The following VPS26A variants were observed in gnomAD, a reference collection of about 807,000 sequenced individuals.
VPS26A encodes vacuolar protein sorting-associated protein 26A.
VPS26A carries 22 observed loss-of-function variants against 42.4 expected under a neutral mutation model. That is an observed-to-expected ratio of 0.52 (90% CI 0.37 to 0.74). VPS26A has a LOEUF of 0.74. VPS26A is among the 30% of genes least tolerant of loss of function. The pLI is 0.00. For missense variants in VPS26A, 276 were observed against 379.2 expected, an observed-to-expected ratio of 0.73 and a Z score of 2.26; for synonymous variants, 110 against 123.5, an observed-to-expected ratio of 0.89 and a Z score of 0.73.
intron 1 of VPS26A, 72 bp from the exon 2 acceptor site, chr10:69,132,826 A>G: frequency 3.6e-6 from 5 of 1,401,630 alleles, no homozygotes; most frequent in Non-Finnish European, 4.8e-6. Context: ...GTTCATAGGT[A>G]ATTAAATTCA....
chr10:69,129,803 G>A (rs1010396012), intron 1 of VPS26A, among the ~76,000 whole-genome samples: 4 of 152,204 alleles, frequency 2.6e-5, no homozygotes, highest in African/African-American at 7.2e-5. Flanking sequence ...GATTACAGGT[G>A]TGAGCTACCG....
chr10:69,144,038 A>G (rs1483612286), intron 2 of VPS26A, among the ~76,000 whole-genome samples: 1 of 152,168 alleles, frequency 6.6e-6, no homozygotes, highest in South Asian at 2.1e-4. Flanking sequence ...ACATAACTAT[A>G]TAGAAAACTG....
At chr10:69,169,614 A>G (rs1296409580) in intron 8 of VPS26A, among the ~76,000 whole-genome samples, 1 of 130,494 alleles carries the variant, frequency 7.7e-6, no homozygotes, top group African/African-American at 2.8e-5. Flanking sequence ...CTTTTTTTTT[A>G]AGTTTTTTTT....
At chr10:69,131,350 G>C (rs1840773556) in intron 1 of VPS26A, among the ~76,000 whole-genome samples, 2 of 152,210 alleles carry the variant, frequency 1.3e-5, no homozygotes, top group Non-Finnish European at 2.9e-5. Context: ...CACTTTGGGA[G>C]GCCGAGGCAG....
intron 1 of VPS26A, among the ~76,000 whole-genome samples, chr10:69,126,312 A>G (rs1840652295): frequency 6.6e-6 from 1 of 152,098 alleles, no homozygotes; most frequent in South Asian, 2.1e-4. Flanking sequence ...AAATACAAAA[A>G]CAAAAAAAAA....
chr10:69,161,630 C>T (rs1005371610), intron 5 of VPS26A: 22 of 281,542 alleles, frequency 7.8e-5, no homozygotes, highest in Non-Finnish European at 1.2e-4. Context: ...TACGGGGTTT[C>T]CCCCATCTGT....
intron 6 of VPS26A, among the ~76,000 whole-genome samples, chr10:69,164,885 TAATATATA>T (rs1841651853): frequency 6.6e-6 from 1 of 151,944 alleles, no homozygotes; most frequent in Non-Finnish European, 1.5e-5. Flanking sequence ...TTTTTGATTT[TAATATATA>T]AATATATAAA....
chr10:69,167,914 G>A (rs1259855528), intron 7 of VPS26A, among the ~76,000 whole-genome samples: 1 of 152,090 alleles, frequency 6.6e-6, no homozygotes, highest in Non-Finnish European at 1.5e-5. Flanking sequence ...CACATGATTA[G>A]AAATTATGGT....
At chr10:69,150,592 T>C (rs1208264137) in intron 2 of VPS26A, among the ~76,000 whole-genome samples, 1 of 150,974 alleles carries the variant, frequency 6.6e-6, no homozygotes, top group East Asian at 2.0e-4. Context: ...AGAGACGGGG[T>C]TTCACCATGT....
At chr10:69,152,956 C>T (rs1841348604) in intron 2 of VPS26A, among the ~76,000 whole-genome samples, 1 of 127,546 alleles carries the variant, frequency 7.8e-6, no homozygotes, top group Admixed American at 8.2e-5. Flanking sequence ...GGCGACAGAG[C>T]GAGGCTCTGT....
chr10:69,172,551 C>A lies in VPS26A; in HGVS notation c.*1282C>A, dbSNP rs1215819939. The A allele has an allele frequency of 1.3e-5, 2 of 152,622 alleles. No homozygotes were observed. The highest frequency in any genetic ancestry group is 2.4e-5 in the African/African-American group (1 of 41,456). 9.5% of individuals were successfully genotyped at this position (152,622 alleles called of 1,614,324 possible). On this transcript the variant is annotated 3_prime_UTR_variant, in exon 9 of 9. Coordinates refer to ENST00000263559, the MANE Select transcript of VPS26A (RefSeq NM_004896.5). ...TGAGTAAGCTAAATAACCCAAATTACATTTCTTTAAACCTGTTTTACTACT... is the reference window on the plus strand; with the variant it reads ...TGAGTAAGCTAAATAACCCAAATTAAATTTCTTTAAACCTGTTTTACTACT...
intron 2 of VPS26A, among the ~76,000 whole-genome samples, chr10:69,133,928 C>T (rs954685644): frequency 1.3e-5 from 2 of 152,006 alleles, no homozygotes; most frequent in African/African-American, 4.8e-5. Context: ...CTCAAGCAAC[C>T]CACCCACGTA....
chr10:69,164,800 G>A (rs1841649031), intron 6 of VPS26A, among the ~76,000 whole-genome samples: 1 of 152,144 alleles, frequency 6.6e-6, no homozygotes, highest in Admixed American at 6.5e-5. Flanking sequence ...TGTAAGAGGT[G>A]AGGTATGTAT....
chr10:69,157,793 A>G (rs530406454), intron 4 of VPS26A, among the ~76,000 whole-genome samples: 2 of 152,356 alleles, frequency 1.3e-5, no homozygotes, highest in East Asian at 3.9e-4. Context: ...GGTTTCTTCA[A>G]GTAGGCTTGA....
rs549060920 is a variant in VPS26A, at chr10:69,131,537, G to A, written c.4-1361G>A. On this transcript the variant is annotated intron_variant, in intron 1 of 8. Transcript: ENST00000263559. Reference sequence around the variant, plus strand: ...ATCACGAGGTCAGGAGATCGAGACCGTCCTGGCTAACATAGTGAAACCCTG... The same window carrying A: ...ATCACGAGGTCAGGAGATCGAGACCATCCTGGCTAACATAGTGAAACCCTG... Among the ~76,000 whole-genome samples, 8 of 152,162 alleles carry A rather than the reference G, an allele frequency of 5.3e-5. No homozygotes were observed. The East Asian group carries it at 9.7e-4, about 18-fold the overall frequency.
chr10:69,124,914 C>T (rs1183279691), intron 1 of VPS26A, among the ~76,000 whole-genome samples: 1 of 152,180 alleles, frequency 6.6e-6, no homozygotes, highest in African/African-American at 2.4e-5. Flanking sequence ...CTCTCATTTC[C>T]GTCCGCAAGC....
At chr10:69,141,077 C>T (rs541569273) in intron 2 of VPS26A, among the ~76,000 whole-genome samples, 9 of 152,190 alleles carry the variant, frequency 5.9e-5, no homozygotes, top group African/African-American at 2.2e-4. Flanking sequence ...TTTTATGTGA[C>T]GATCTGGGGA....
intron 2 of VPS26A, among the ~76,000 whole-genome samples, chr10:69,140,688 C>G (rs1391437692): frequency 1.3e-5 from 2 of 152,102 alleles, no homozygotes. Context: ...CCTGGCCCTT[C>G]CTGAACTTTT....
At chr10:69,147,101 T>A (rs1841177487) in intron 2 of VPS26A, among the ~76,000 whole-genome samples, 1 of 152,218 alleles carries the variant, frequency 6.6e-6, no homozygotes, top group Non-Finnish European at 1.5e-5. Flanking sequence ...TGTCTATTTT[T>A]TATTATAGGT....
Sources: allele counts gnomAD v4.1 joint callset (sites outside exome capture counted in the v4.1 genomes callset), GRCh38; gene constraint gnomAD v4.1.1; transcripts MANE v1.5; gene names NCBI Gene and HGNC (gene_info 2026-07-23, HGNC 2026-07-21).